Variants in NAV3 observed in about 807,000 individuals in gnomAD.
NAV3 encodes pore membrane and/or filament interacting like protein 1.
In NAV3, 87 loss-of-function variants were observed where a neutral mutation model predicts 244.7. That is an observed-to-expected ratio of 0.36 (90% confidence interval 0.30 to 0.42). NAV3 has a LOEUF of 0.42. NAV3 is among the 20% of genes least tolerant of loss of function. The pLI is 1.00. For synonymous variants in NAV3, 1,126 were observed against 1,042.2 expected (o/e 1.08, Z -1.55); for missense variants, 2,663 against 2,893.3 (o/e 0.92, Z 1.83).
intron 1 of NAV3, among the ~76,000 whole-genome samples, chr12:77,855,743 C>T (rs1257879326): frequency 6.6e-6 from 1 of 152,186 alleles, no homozygotes; most frequent in East Asian, 1.9e-4. Flanking sequence ...GAGTGACAAT[C>T]GATGCAGGGC....
chr12:78,139,724 G>T (rs1331045181), intron 19 of NAV3, among the ~76,000 whole-genome samples: 1 of 147,252 alleles, frequency 6.8e-6, no homozygotes, highest in East Asian at 2.0e-4. Context: ...ACATCACCTT[G>T]AAAAAAAAAA....
intron 1 of NAV3, among the ~76,000 whole-genome samples, chr12:77,856,233 C>G (rs1006355091): frequency 2.0e-5 from 3 of 152,142 alleles, no homozygotes; most frequent in Admixed American, 2.0e-4. Flanking sequence ...GGACTTGCAG[C>G]TCTTGGCTGT....
intron 2 of NAV3, among the ~76,000 whole-genome samples, chr12:77,815,015 T>C (rs1438400337): frequency 6.6e-6 from 1 of 152,204 alleles, no homozygotes; most frequent in African/African-American, 2.4e-5. Context: ...AATGAAACTA[T>C]CTTGATCATC....
chr12:77,721,186 A>T (rs532703407), intron 2 of NAV3, among the ~76,000 whole-genome samples: 1 of 152,122 alleles, frequency 6.6e-6, no homozygotes, highest in Non-Finnish European at 1.5e-5. Context: ...AAGTGTGGAT[A>T]TTGTCGAATA....
chr12:78,069,302 G>A (rs569245326), intron 12 of NAV3, among the ~76,000 whole-genome samples: 1 of 151,574 alleles, frequency 6.6e-6, no homozygotes, highest in Non-Finnish European at 1.5e-5. Context: ...AAACTAAATC[G>A]TTTTTTATTA....
intron 2 of NAV3, among the ~76,000 whole-genome samples, chr12:77,670,733 A>G (rs1873931125): frequency 6.6e-6 from 1 of 152,200 alleles, no homozygotes. Context: ...GACAAAATCC[A>G]GCATCCCATT....
rs76912556 is a variant in NAV3 at position 77,578,944 on chromosome 12, G to C, written c.72+6678G>C. 7.3e-5 allele frequency among the ~76,000 whole-genome samples: 11 copies of C among 151,648 alleles called. No individual in the cohort carries two copies. In the East Asian group the frequency reaches 2.1e-3, roughly 29 times the overall value. ...CAATTAGGAGACATTTATTGAATCA[G>C]ATATTTGGTGCTTGGAATCTGGAGT... On this transcript the variant is annotated intron_variant, in intron 2 of 8. Coordinates refer to the NAV3 transcript ENST00000550042.
At chr12:78,031,727 G>A (rs1386868626) in intron 9 of NAV3, among the ~76,000 whole-genome samples, 17 of 120,948 alleles carry the variant, frequency 1.4e-4, no homozygotes, top group Non-Finnish European at 1.6e-4. Flanking sequence ...ACACTCTGGC[G>A]ACTGTGGTGG....
At chr12:77,968,455 A>G in intron 4 of NAV3, 64 bp from the exon 5 acceptor site, 2 of 1,267,172 alleles carry the variant, frequency 1.6e-6, no homozygotes, top group Non-Finnish European at 2.3e-6. Context: ...AAATGCATCT[A>G]GAATTTGTTA....
At position 78,172,600 on chromosome 12, in the gene NAV3, A is replaced by G. The variant is rs370941186; in HGVS notation, c.4982-2706A>G. Among the ~76,000 whole-genome samples the G allele has an allele frequency of 8.6e-5, 13 of 151,720 alleles. No homozygotes were observed. In the South Asian group the frequency reaches 1.0e-3, roughly 12 times the overall value. On this transcript the variant is annotated intron_variant, in intron 24 of 39. Coordinates refer to ENST00000397909, the MANE Select transcript of NAV3 (RefSeq NM_001024383.2). ...GAACCTACTGGAGGTTACATAGGGA[A>G]GATTATTCCAAGGTAGTAATATTTA...
At chr12:77,673,798 C>T (rs1565765962) in intron 2 of NAV3, among the ~76,000 whole-genome samples, 1 of 152,142 alleles carries the variant, frequency 6.6e-6, no homozygotes, top group African/African-American at 2.4e-5. Context: ...ATCATAAGTT[C>T]TATTGCATAT....
intron 12 of NAV3, among the ~76,000 whole-genome samples, chr12:78,095,045 T>TTATATATATATATATATATATATATA (rs368659738): frequency 1.0e-4 from 13 of 123,852 alleles, no homozygotes; most frequent in African/African-American, 1.4e-4. Context: ...CCATATCAAA[T>TTATATATATATATATATATATATATA]TATATATATA....
intron 2 of NAV3, among the ~76,000 whole-genome samples, chr12:77,729,289 T>A (rs1402010234): frequency 6.6e-6 from 1 of 151,932 alleles, no homozygotes; most frequent in Non-Finnish European, 1.5e-5. Context: ...AGTGTGTTGG[T>A]CTTAGAATGT....
At chr12:77,976,918 G>A (rs1286187404) in intron 5 of NAV3, among the ~76,000 whole-genome samples, 2 of 151,880 alleles carry the variant, frequency 1.3e-5, no homozygotes, top group Non-Finnish European at 2.9e-5. Flanking sequence ...CTCATGATCT[G>A]CCTGCCTCGG....
chr12:77,777,671 C>A (rs193136622), intron 2 of NAV3, among the ~76,000 whole-genome samples: 1 of 152,016 alleles, frequency 6.6e-6, no homozygotes, highest in Admixed American at 6.5e-5. Context: ...ACTACTATAT[C>A]GTTAGGATAA....
rs1875577424 is a variant in NAV3 at position 78,013,050 on chromosome 12, C to A, written c.1907+5605C>A. 2.6e-5 allele frequency among the ~76,000 whole-genome samples: 4 copies of A among 152,096 alleles called. No homozygotes were observed. The South Asian group carries it at 8.3e-4, about 31-fold the overall frequency. Reference sequence around the variant, plus strand: ...CTGGAACAAAAAAAAATTCTGAAGTCTCTCACTTCCTATAAATGGGAGGGT... The same window carrying A: ...CTGGAACAAAAAAAAATTCTGAAGTATCTCACTTCCTATAAATGGGAGGGT... On this transcript the variant is annotated intron_variant, in intron 8 of 39. Coordinates refer to ENST00000397909, the MANE Select transcript of NAV3 (RefSeq NM_001024383.2).
At chr12:77,750,058 AGAT>A (rs1169048816) in intron 2 of NAV3, among the ~76,000 whole-genome samples, 2 of 152,206 alleles carry the variant, frequency 1.3e-5, no homozygotes, top group Non-Finnish European at 2.9e-5. Flanking sequence ...GAAGGAGTAA[AGAT>A]AACCTCTGTT....
At chr12:78,183,060 T>A (rs1240615683) in intron 30 of NAV3, among the ~76,000 whole-genome samples, 1 of 151,974 alleles carries the variant, frequency 6.6e-6, no homozygotes, top group East Asian at 1.9e-4. Flanking sequence ...AAGTCTTCAG[T>A]TTTTGGCCAG....
chr12:77,865,789 G>A (rs896279600), intron 1 of NAV3, among the ~76,000 whole-genome samples: 8 of 26,450 alleles, frequency 3.0e-4, no homozygotes, highest in Non-Finnish European at 6.4e-4. Flanking sequence ...GCATATACAC[G>A]TATATATGCG....
Sources: gnomAD v4.1 joint callset for allele counts (sites outside exome capture counted in the v4.1 genomes callset) on GRCh38, gnomAD v4.1.1 for gene constraint, MANE v1.5 for transcripts, NCBI Gene and HGNC (gene_info 2026-07-23, HGNC 2026-07-21) for gene names.